KALRN: variants seen among roughly 807,000 people sequenced by gnomAD.
KALRN encodes kalirin.
In KALRN, 70 loss-of-function variants were observed where a neutral mutation model predicts 353.7. That is an observed-to-expected ratio of 0.20 (90% CI 0.16 to 0.24). The LOEUF (loss-of-function observed/expected upper bound fraction) is 0.24. Ranked by LOEUF, KALRN falls within the 10% of genes least tolerant of loss-of-function variation. The pLI, the probability that KALRN is intolerant of heterozygous loss-of-function variation, is 1.00. For synonymous variants in KALRN, 1,391 were observed against 1,434.8 expected (o/e 0.97, Z 0.69); for missense variants, 2,791 against 3,756.7 (o/e 0.74, Z 6.72).
At chr3:124,542,734 G>A (rs1236784284) in intron 33 of KALRN, among the ~76,000 whole-genome samples, 1 of 152,190 alleles carries the variant, frequency 6.6e-6, no homozygotes, top group African/African-American at 2.4e-5. Context: ...GAGGAACCAA[G>A]GCTTAGAGAG....
intron 37 of KALRN, among the ~76,000 whole-genome samples, chr3:124,641,007 T>C (rs577029921): frequency 6.6e-6 from 1 of 152,230 alleles, no homozygotes; most frequent in East Asian, 1.9e-4. Flanking sequence ...GAATTCTGCT[T>C]TAGAATTCGT....
At chr3:124,086,815 G>A (rs1046147136) in intron 1 of KALRN, among the ~76,000 whole-genome samples, 3 of 151,952 alleles carry the variant, frequency 2.0e-5, no homozygotes, top group African/African-American at 2.4e-5. Context: ...TTAGTTTCTC[G>A]GGAACCCTCC....
At chr3:124,564,159 C>A (rs796095610) in intron 34 of KALRN, among the ~76,000 whole-genome samples, 1 of 133,848 alleles carries the variant, frequency 7.5e-6, no homozygotes, top group Admixed American at 8.6e-5. Context: ...GAGTCGAGAT[C>A]GCGCCACCGC....
intron 1 of KALRN, among the ~76,000 whole-genome samples, chr3:124,203,676 T>C (rs941452448): frequency 7.2e-5 from 11 of 152,194 alleles, no homozygotes; most frequent in Non-Finnish European, 1.5e-4. Flanking sequence ...TGCCAGGAAT[T>C]GTGATAGGTG....
At chr3:124,322,984 C>T (rs1390555857) in intron 6 of KALRN, among the ~76,000 whole-genome samples, 2 of 152,164 alleles carry the variant, frequency 1.3e-5, no homozygotes, top group African/African-American at 4.8e-5. Context: ...CATAAGTCAA[C>T]ATTGTATTTA....
At chr3:124,605,639 T>G (rs1316741320) in intron 34 of KALRN, among the ~76,000 whole-genome samples, 3 of 151,750 alleles carry the variant, frequency 2.0e-5, no homozygotes, top group African/African-American at 7.3e-5. Context: ...TGTGGTCCTG[T>G]ATCCAAATGG....
At chr3:124,128,441 G>A (rs533507514) in intron 1 of KALRN, among the ~76,000 whole-genome samples, 26 of 152,288 alleles carry the variant, frequency 1.7e-4, no homozygotes, top group African/African-American at 6.0e-4. Flanking sequence ...ACAGAAGCCT[G>A]AGGTCAAATA....
intron 37 of KALRN, among the ~76,000 whole-genome samples, chr3:124,643,475 G>A (rs545361222): frequency 6.6e-6 from 1 of 152,084 alleles, no homozygotes; most frequent in Non-Finnish European, 1.5e-5. Flanking sequence ...ATTACTTAAG[G>A]ATTTTGTTGT....
At chr3:124,647,777 C>CAGGGAGTATGTAAAGAG (rs1268793999) in intron 37 of KALRN, among the ~76,000 whole-genome samples, 1 of 152,170 alleles carries the variant, frequency 6.6e-6, no homozygotes, top group African/African-American at 2.4e-5. Flanking sequence ...GAAAGCCATG[C>CAGGGAGTATGTAAAGAG]AGGGAGTATG....
At chr3:124,551,449 G>T (rs2070519933) in intron 33 of KALRN, among the ~76,000 whole-genome samples, 1 of 152,218 alleles carries the variant, frequency 6.6e-6, no homozygotes, top group African/African-American at 2.4e-5. Flanking sequence ...CACATGTGCT[G>T]GATCTGGGGT....
At chr3:124,287,373 C>T (rs1274081700) in intron 5 of KALRN, among the ~76,000 whole-genome samples, 1 of 152,006 alleles carries the variant, frequency 6.6e-6, no homozygotes, top group Admixed American at 6.6e-5. Context: ...CTCTGCATCT[C>T]CCTCCACTGT....
In KALRN at chr3:124,582,716, G is replaced by A. The variant is rs375458661; in HGVS notation, c.5182+19627G>A. The stretch of plus-strand genomic sequence containing the variant: ...ATTATTACTCATTAGGTCATGCTTC[G>A]ATCATTTACTGGTATCCCAACCATG... On this transcript the variant is annotated intron_variant, in intron 34 of 59. Transcript: ENST00000682506. 5.4e-5 allele frequency among the ~76,000 whole-genome samples: 8 copies of A among 149,250 alleles called. No individual in the cohort carries two copies. In the Admixed American group the frequency reaches 5.4e-4, roughly 10 times the overall value.
intron 10 of KALRN, among the ~76,000 whole-genome samples, chr3:124,362,356 C>T (rs993636429): frequency 3.3e-5 from 5 of 152,224 alleles, no homozygotes; most frequent in African/African-American, 1.2e-4. Flanking sequence ...AGGAACAGAT[C>T]ATTACATCTG....
intron 51 of KALRN, among the ~76,000 whole-genome samples, chr3:124,679,993 C>T (rs1220415869): frequency 2.6e-5 from 4 of 152,182 alleles, no homozygotes; most frequent in Non-Finnish European, 5.9e-5. Flanking sequence ...GGTTTTATTC[C>T]CTGCTCAGTG....
At chr3:124,080,160 G>GT (rs2060469312) in intron 1 of KALRN, 1 of 420,152 alleles carries the variant, frequency 2.4e-6, no homozygotes, top group Non-Finnish European at 5.1e-6. Flanking sequence ...TATAGTATGA[G>GT]TTAGCTTTCT....
intron 1 of KALRN, among the ~76,000 whole-genome samples, chr3:124,141,844 T>A (rs1560062113): frequency 6.6e-6 from 1 of 152,148 alleles, no homozygotes; most frequent in Non-Finnish European, 1.5e-5. Flanking sequence ...GCACCCCTTT[T>A]TCCTATTAAA....
intron 45 of KALRN, among the ~76,000 whole-genome samples, chr3:124,664,455 G>A (rs1459512143): frequency 6.7e-6 from 1 of 150,056 alleles, no homozygotes; most frequent in African/African-American, 2.5e-5. Context: ...CTGTCGCCCA[G>A]GCTGGAGTAC....
At chr3:124,623,421 C>CAAA (rs1280740415) in intron 34 of KALRN, among the ~76,000 whole-genome samples, 1 of 148,956 alleles carries the variant, frequency 6.7e-6, no homozygotes, top group Admixed American at 6.7e-5. Context: ...CACACACACA[C>CAAA]ACACACAAAA....
At chr3:124,089,163 G>C (rs1039653808) in intron 1 of KALRN, among the ~76,000 whole-genome samples, 6 of 152,210 alleles carry the variant, frequency 3.9e-5, no homozygotes, top group Non-Finnish European at 7.3e-5. Flanking sequence ...GTTTCCTTTT[G>C]ATATGGTTGA....
Sources: gnomAD v4.1 joint callset for allele counts (sites outside exome capture counted in the v4.1 genomes callset) on GRCh38, gnomAD v4.1.1 for gene constraint, MANE v1.5 for transcripts, NCBI Gene and HGNC (gene_info 2026-07-23, HGNC 2026-07-21) for gene names.